The following SIPA1L3 variants were observed in gnomAD, a reference collection of about 807,000 sequenced individuals.
SIPA1L3 encodes the protein signal induced proliferation associated 1 like 3.
A neutral mutation model predicts 150.1 loss-of-function variants in SIPA1L3; 59 were observed. The observed-to-expected ratio is 0.39, with a 90% confidence interval of 0.32 to 0.49. SIPA1L3 has a LOEUF of 0.49. Among genes scored for constraint, SIPA1L3 ranks in the 20% least tolerant of loss-of-function variants. The pLI, the probability that SIPA1L3 is intolerant of heterozygous loss-of-function variation, is 0.86. For missense variants in SIPA1L3, 2,211 were observed against 2,489.5 expected, an observed-to-expected ratio of 0.89 and a Z score of 2.38; for synonymous variants, 1,070 against 1,077.6, an observed-to-expected ratio of 0.99 and a Z score of 0.14.
chr19:38,091,661 G>A (rs1463342753), intron 4 of SIPA1L3, among the ~76,000 whole-genome samples: 5 of 152,296 alleles, frequency 3.3e-5, no homozygotes, highest in Admixed American at 2.6e-4. Context: ...GCACTCGGCT[G>A]CCTCTGGGTT....
chr19:38,128,862 A>C (rs974314457), intron 9 of SIPA1L3, among the ~76,000 whole-genome samples: 1 of 151,832 alleles, frequency 6.6e-6, no homozygotes, highest in African/African-American at 2.4e-5. Context: ...GGGCCACTGC[A>C]CTCCAGCCTG....
chr19:38,016,493 G>A (rs759155045), intron 1 of SIPA1L3, among the ~76,000 whole-genome samples: 6 of 152,070 alleles, frequency 3.9e-5, no homozygotes, highest in Non-Finnish European at 7.4e-5. Flanking sequence ...TATACATACT[G>A]TGAATTCACG....
intron 1 of SIPA1L3, among the ~76,000 whole-genome samples, chr19:38,000,254 G>A (rs1426970746): frequency 6.6e-6 from 1 of 151,988 alleles, no homozygotes; most frequent in East Asian, 1.9e-4. Context: ...ATCACCTGAG[G>A]TCAGGAGTTT....
intron 1 of SIPA1L3, among the ~76,000 whole-genome samples, chr19:37,916,493 T>TAAA (rs911159767): frequency 7.7e-5 from 7 of 90,764 alleles, no homozygotes; most frequent in East Asian, 3.2e-4. Flanking sequence ...ACTCTGTGTC[T>TAAA]AAAAAAAAAA....
In SIPA1L3 at chr19:38,182,746, T is replaced by A; in HGVS notation, c.4430+6T>A. 1 of 1,605,704 alleles carries A rather than the reference T, an allele frequency of 6.2e-7. No homozygotes were observed. Among genetic ancestry groups the A allele is most frequent in the African/African-American group, 1.3e-5 (1 of 74,806 alleles). Reference sequence around the variant, plus strand: ...CCCTTCAGTGACCCAAAGAAGTAAGTGCCTGGACGTCCAGCGAGGCGCCCG... The same window carrying A: ...CCCTTCAGTGACCCAAAGAAGTAAGAGCCTGGACGTCCAGCGAGGCGCCCG... On this transcript the variant is annotated splice_donor_region_variant and intron_variant, in intron 16 of 21. Coordinates refer to ENST00000222345, the MANE Select transcript of SIPA1L3 (RefSeq NM_015073.3).
intron 2 of SIPA1L3, among the ~76,000 whole-genome samples, chr19:38,056,969 C>T (rs1490333338): frequency 2.0e-5 from 3 of 151,896 alleles, no homozygotes; most frequent in Admixed American, 2.0e-4. Flanking sequence ...GAGACCCTGT[C>T]GTTAAAAAAT....
At chr19:37,950,280 G>C (rs1369879171) in intron 1 of SIPA1L3, among the ~76,000 whole-genome samples, 3 of 152,102 alleles carry the variant, frequency 2.0e-5, no homozygotes, top group African/African-American at 7.2e-5. Context: ...CTCAGTCTGA[G>C]CCTGATACAC....
intron 2 of SIPA1L3, among the ~76,000 whole-genome samples, chr19:38,045,508 G>T (rs2145748754): frequency 6.6e-6 from 1 of 152,138 alleles, no homozygotes; most frequent in Middle Eastern, 3.4e-3. Flanking sequence ...GGGGGTCGAG[G>T]CTGCAGTGAG....
chr19:38,132,347 G>A (rs1280015818), intron 10 of SIPA1L3, among the ~76,000 whole-genome samples: 2 of 151,216 alleles, frequency 1.3e-5, no homozygotes, highest in African/African-American at 4.9e-5. Flanking sequence ...ATCACCAGGC[G>A]GGAGTTCAAG....
chr19:37,996,486 A>G (rs777917625), intron 1 of SIPA1L3, among the ~76,000 whole-genome samples: 6 of 152,188 alleles, frequency 3.9e-5, no homozygotes, highest in Non-Finnish European at 7.4e-5. Context: ...CAAGCCATTT[A>G]ACATAATGCA....
chr19:37,989,223 GTTTGT>G (rs1967437684), intron 1 of SIPA1L3, among the ~76,000 whole-genome samples: 1 of 152,072 alleles, frequency 6.6e-6, no homozygotes, highest in Admixed American at 6.6e-5. Flanking sequence ...TTTTTTGTTT[GTTTGT>G]TTGCTTTTAA....
At chr19:38,034,355 C>A (rs1968730603) in intron 2 of SIPA1L3, among the ~76,000 whole-genome samples, 1 of 152,124 alleles carries the variant, frequency 6.6e-6, no homozygotes. Context: ...TTGTAACTAC[C>A]CTAAGACGTC....
chr19:38,065,903 T>TTATTTATC lies in SIPA1L3; in HGVS notation c.-310-15346_-310-15345insCTATTTAT, dbSNP rs1209445226. Among the ~76,000 whole-genome samples the TTATTTATC allele has an allele frequency of 6.3e-4, 63 of 99,312 alleles. 3 individuals carry two copies. The highest frequency in any genetic ancestry group is 2.4e-3 in the African/African-American group (57 of 23,576). The allele number at this position is 99,312 out of a possible 152,430, so 65.2% of individuals were successfully genotyped here. A position where few individuals can be genotyped will look rare whatever the true frequency, so the allele number is the denominator to read the frequency against. ...TGCTCTGTTGCCCGGGTTTGATCTC[T>TTATTTATC]TATTTATTTATCTATTTATTTATTT... is the stretch of plus-strand genomic sequence containing the variant. On this transcript the variant is annotated intron_variant, in intron 2 of 21. Coordinates refer to ENST00000222345, the MANE Select transcript of SIPA1L3 (RefSeq NM_015073.3).
chr19:38,045,482 G>A (rs1346497185), intron 2 of SIPA1L3, among the ~76,000 whole-genome samples: 1 of 150,742 alleles, frequency 6.6e-6, no homozygotes, highest in Non-Finnish European at 1.5e-5. Flanking sequence ...TAAGGTGGGA[G>A]GATCGCTTGA....
chr19:38,013,012 A>G (rs1643455), intron 1 of SIPA1L3, among the ~76,000 whole-genome samples: 121,723 of 152,138 alleles, frequency 0.8, 49,418 homozygotes, highest in East Asian at 0.97. Context: ...GGCCTCCTTT[A>G]CCCTTTCTGA....
chr19:37,927,990 C>G (rs2046521504), intron 1 of SIPA1L3, among the ~76,000 whole-genome samples: 1 of 152,066 alleles, frequency 6.6e-6, no homozygotes, highest in African/African-American at 2.4e-5. Flanking sequence ...TGGGTTGATT[C>G]ACATGCTATC....
chr19:37,959,751 C>T (rs370128095), intron 1 of SIPA1L3, among the ~76,000 whole-genome samples: 3 of 150,656 alleles, frequency 2.0e-5, no homozygotes, highest in East Asian at 1.9e-4. Flanking sequence ...CCTTTATTGC[C>T]GTCTTTCTGA....
chr19:38,103,901 CAAA>C (rs66888884), intron 6 of SIPA1L3, among the ~76,000 whole-genome samples: 36,471 of 95,358 alleles, frequency 0.38, 4,652 homozygotes, highest in East Asian at 0.56. Flanking sequence ...GACTCCATAT[CAAA>C]AAAAAAAAAA....
At chr19:38,123,738 A>G (rs1309004451) in intron 9 of SIPA1L3, among the ~76,000 whole-genome samples, 1 of 151,630 alleles carries the variant, frequency 6.6e-6, no homozygotes, top group East Asian at 1.9e-4. Context: ...ATTCCACAAA[A>G]CCGCCATTGT....
Sources: gnomAD v4.1 joint callset for allele counts (sites outside exome capture counted in the v4.1 genomes callset) on GRCh38, gnomAD v4.1.1 for gene constraint, MANE v1.5 for transcripts, NCBI Gene and HGNC (gene_info 2026-07-23, HGNC 2026-07-21) for gene names.